THEM6: variants seen among roughly 807,000 people sequenced by gnomAD.
THEM6 encodes protein THEM6.
Under a neutral mutation model 13.7 loss-of-function variants are expected in THEM6, and 10 were observed. The ratio of observed to expected loss-of-function variants is 0.73; its 90% CI spans 0.45 to 1.24. The LOEUF (loss-of-function observed/expected upper bound fraction) is 1.24. Ranked by LOEUF, THEM6 falls within the 50% of genes most tolerant of loss-of-function variation. The pLI, the probability that THEM6 is intolerant of heterozygous loss-of-function variation, is 0.00. For missense variants in THEM6, 317 were observed against 312.6 expected (o/e 1.01, Z -0.11); for synonymous variants, 161 against 156.0 (o/e 1.03, Z -0.24).
intron 1 of THEM6, among the ~76,000 whole-genome samples, chr8:142,733,037 G>A (rs1815687062): frequency 6.6e-6 from 1 of 152,182 alleles, no homozygotes; most frequent in South Asian, 2.1e-4. Flanking sequence ...AGGAAACAGG[G>A]TCATTTATAA....
At chr8:142,735,124 G>A (rs765600844) in intron 1 of THEM6, 19 of 569,100 alleles carry the variant, frequency 3.3e-5, no homozygotes, top group African/African-American at 1.1e-4. Context: ...TAGGGGAGAC[G>A]GGCCAGGCAC....
At chr8:142,728,334 G>A (rs781832793) in intron 1 of THEM6, among the ~76,000 whole-genome samples, 2 of 152,208 alleles carry the variant, frequency 1.3e-5, no homozygotes, top group African/African-American at 2.4e-5. Context: ...CCTGGGTTTG[G>A]GGTTGAGGTA....
Position 142,736,399 on chromosome 8 carries a change from ATTCAGCATGTT to A in THEM6, c.*961_*971del, listed in dbSNP as rs1815769807. 6.6e-6 allele frequency: 1 copy of A among 152,362 alleles called. No individual in the cohort carries two copies. Among genetic ancestry groups the A allele is most frequent in the Admixed American group, 6.5e-5 (1 of 15,274 alleles). The allele number at this position is 152,362 out of a possible 1,614,324, so 9.4% of individuals were successfully genotyped here. On this transcript the variant is annotated 3_prime_UTR_variant, in exon 2 of 2. Transcript: ENST00000336138. ...TCTTCTTAACTCCTCTGTCCTCTAT[ATTCAGCATGTT>A]CCTTGTCAGCTGCTGGGCCGGCCCT...
Position 142,727,708 on chromosome 8 carries a change from C to A in THEM6, c.362C>A (p.Thr121Asn), listed in dbSNP as rs184540082. ...CTGCTGGAGCCCTTCGAGGTGCGCA[C>A]CCGCCTGCTGGGCTGGGACGACCGC... is the stretch of plus-strand genomic sequence containing the variant. ...LRLLEPFEVRTRLLGWDDRAF... is the reference protein window; with the variant it reads ...LRLLEPFEVRNRLLGWDDRAF... Residue 121 changes from threonine to asparagine, a missense_variant, in exon 1 of 2, where the codon ACC (threonine) becomes AAC (asparagine). Physicochemically the swap from Thr to Asn is moderately conservative, Grantham distance 65 (BLOSUM62 0). Transcript: ENST00000336138. 90 of 1,432,136 alleles carry A rather than the reference C, an allele frequency of 6.3e-5. No homozygotes were observed. The highest frequency in any genetic ancestry group is 7.6e-5 in the Non-Finnish European group (84 of 1,103,884). 88.7% of individuals were successfully genotyped at this position (1,432,136 alleles called of 1,614,324 possible). A position where few individuals can be genotyped will look rare whatever the true frequency, so the allele number is the denominator to read the frequency against.
rs139610015 is a variant in THEM6 at position 142,735,220 on chromosome 8, G to A, written c.514-106G>A. The A allele has an allele frequency of 2.5e-4, 201 of 814,548 alleles. 1 individual carries two copies. The East Asian group carries it at 4.7e-3, about 19-fold the overall frequency. The allele number at this position is 814,548 out of a possible 1,614,324, so 50.5% of individuals were successfully genotyped here. ...GCATGGGCAAAGCATGGCAGGCGGCGGGGCAGGGGATCTTGGAAGGTCACG... is the reference window on the plus strand; with the variant it reads ...GCATGGGCAAAGCATGGCAGGCGGCAGGGCAGGGGATCTTGGAAGGTCACG... On this transcript the variant is annotated intron_variant, in intron 1 of 1. Coordinates refer to ENST00000336138, the MANE Select transcript of THEM6 (RefSeq NM_016647.3).
intron 1 of THEM6, among the ~76,000 whole-genome samples, chr8:142,732,204 A>ATATATATATATATATATG (rs1382315215): frequency 6.8e-5 from 7 of 102,674 alleles, no homozygotes; most frequent in African/African-American, 3.0e-4. Flanking sequence ...ATATATATAT[A>ATATATATATATATATATG]TATTTTAACT....
At position 142,735,706 on chromosome 8, in the gene THEM6, C is replaced by A; in HGVS notation, c.*267C>A. On this transcript the variant is annotated 3_prime_UTR_variant, in exon 2 of 2. Transcript: ENST00000336138. ...GGGCAAAGGAGAGTCCTGCCTGGCC[C>A]TACGATGAGGCCACTCATGTGGGCC... 2.2e-6 allele frequency: 1 copy of A among 465,084 alleles called. No individual in the cohort carries two copies. The highest frequency in any genetic ancestry group is 4.0e-6 in the Non-Finnish European group (1 of 251,422). 28.8% of individuals were successfully genotyped at this position (465,084 alleles called of 1,614,324 possible).
At chr8:142,730,027 CAG>C in intron 1 of THEM6, among the ~76,000 whole-genome samples, 1 of 152,256 alleles carries the variant, frequency 6.6e-6, no homozygotes, top group East Asian at 1.9e-4. Flanking sequence ...CAAGGTATGA[CAG>C]AACAAGCATT....
intron 1 of THEM6, among the ~76,000 whole-genome samples, chr8:142,728,978 C>T (rs1253553334): frequency 5.6e-5 from 7 of 125,256 alleles, no homozygotes; most frequent in African/African-American, 1.8e-4. Flanking sequence ...CTCACTCTGT[C>T]GCCCAGGCTG....
Position 142,727,706 on chromosome 8 carries a change from C to A in THEM6, c.360C>A (p.Arg120=), listed in dbSNP as rs1270986079. The A allele has an allele frequency of 2.8e-5, 40 of 1,431,606 alleles. No homozygotes were observed. The highest frequency in any genetic ancestry group is 5.9e-5 in the Admixed American group (2 of 33,738). The allele number at this position is 1,431,606 out of a possible 1,614,324, so 88.7% of individuals were successfully genotyped here. Reference sequence around the variant, plus strand: ...GCCTGCTGGAGCCCTTCGAGGTGCGCACCCGCCTGCTGGGCTGGGACGACC... The same window carrying A: ...GCCTGCTGGAGCCCTTCGAGGTGCGAACCCGCCTGCTGGGCTGGGACGACC... ...SLRLLEPFEV[R]TRLLGWDDRA... The change falls in exon 1 of 2, where the codon CGC becomes CGA. Residue 120 remains arginine (R), a synonymous_variant. Transcript: ENST00000336138.
chr8:142,730,085 G>A (rs1442645978), intron 1 of THEM6, among the ~76,000 whole-genome samples: 3 of 152,280 alleles, frequency 2.0e-5, no homozygotes, highest in East Asian at 1.9e-4. Flanking sequence ...TAACAAAGGC[G>A]CTAGTAACAA....
chr8:142,729,644 T>A (rs1815601788), intron 1 of THEM6, among the ~76,000 whole-genome samples: 1 of 152,114 alleles, frequency 6.6e-6, no homozygotes, highest in Admixed American at 6.5e-5. Flanking sequence ...GTCTTTTCCA[T>A]TTATGTCAAT....
chr8:142,733,070 C>A (rs189837961), intron 1 of THEM6, among the ~76,000 whole-genome samples: 1 of 152,206 alleles, frequency 6.6e-6, no homozygotes, highest in African/African-American at 2.4e-5. Flanking sequence ...ACCCTATTGC[C>A]GTCTCTGGTT....
Position 142,727,506 on chromosome 8 carries a change from G to T in THEM6, c.160G>T (p.Val54Leu). ...LLAEQRFPGR[V>L]LPSDLDLLLH... is the part of the protein sequence containing the mutation. ...AGCTGAGCAGCGCTTCCCGGGCCGC[G>T]TGCTGCCCTCGGACTTGGACCTGCT... The change falls in exon 1 of 2, where the codon GTG becomes TTG. Residue 54 changes from valine to leucine, a missense_variant. By Grantham distance (32) the Val-to-Leu change is conservative (BLOSUM62 1). Transcript: ENST00000336138. 1 of 1,579,380 alleles carries T rather than the reference G, an allele frequency of 6.3e-7. No homozygotes were observed. The highest frequency in any genetic ancestry group is 1.4e-5 in the African/African-American group (1 of 72,596).
At chr8:142,729,834 T>C (rs1554642784) in intron 1 of THEM6, among the ~76,000 whole-genome samples, 1 of 152,216 alleles carries the variant, frequency 6.6e-6, no homozygotes, top group Non-Finnish European at 1.5e-5. Flanking sequence ...ACTTTGCTCC[T>C]GAGCAGTTGA....
intron 1 of THEM6, among the ~76,000 whole-genome samples, chr8:142,731,653 T>C (rs587627177): frequency 6.6e-6 from 1 of 152,182 alleles, no homozygotes; most frequent in Non-Finnish European, 1.5e-5. Context: ...TCTCTTTCTG[T>C]CTCTTCTCTC....
Position 142,736,035 on chromosome 8 carries a change from G to C in THEM6, c.*596G>C, listed in dbSNP as rs1055165821. ...AGGGAGGCATTTGCTGACAGAGGAC[G>C]GGGCACCCGGGCTCCCCACTGCAGT... On this transcript the variant is annotated 3_prime_UTR_variant, in exon 2 of 2. Transcript: ENST00000336138. 6.6e-6 allele frequency: 1 copy of C among 152,322 alleles called. No individual in the cohort carries two copies. 9.4% of individuals were successfully genotyped at this position (152,322 alleles called of 1,614,324 possible).
Position 142,727,477 on chromosome 8 carries a change from T to C in THEM6, c.131T>C (p.Leu44Pro). The C allele has an allele frequency of 6.3e-7, 1 of 1,576,326 alleles. No homozygotes were observed. The highest frequency in any genetic ancestry group is 8.6e-7 in the Non-Finnish European group (1 of 1,169,224). The part of the protein sequence containing the change: ...ARLLQPRVRD[L>P]LAEQRFPGRV... Reference sequence around the variant, plus strand: ...CTGCTGCAGCCGCGCGTCCGTGACCTGCTAGCTGAGCAGCGCTTCCCGGGC... The same window carrying C: ...CTGCTGCAGCCGCGCGTCCGTGACCCGCTAGCTGAGCAGCGCTTCCCGGGC... The change falls in exon 1 of 2, where the codon CTG (leucine) becomes CCG (proline). Residue 44 changes from leucine to proline, a missense_variant. Coordinates refer to ENST00000336138, the MANE Select transcript of THEM6 (RefSeq NM_016647.3).
rs758397993 is a variant in THEM6, at chr8:142,735,371, TACA to T, written c.562_564del (p.Asn188del). ...CGCTGATCTGCAGCACTGGATCTCC[TACA>T]ACGAGGCCAGCAGCCAGCTGCTCCG... On this transcript the variant is annotated inframe_deletion, in exon 2 of 2. Transcript: ENST00000336138. 12 of 1,579,718 alleles carry T rather than the reference TACA, an allele frequency of 7.6e-6. No individual in the cohort carries two copies. Among genetic ancestry groups the T allele is most frequent in the East Asian group, 2.3e-5 (1 of 42,982 alleles).
Sources: gnomAD v4.1 joint callset for allele counts (sites outside exome capture counted in the v4.1 genomes callset) on GRCh38, gnomAD v4.1.1 for gene constraint, MANE v1.5 for transcripts, NCBI Gene and HGNC (gene_info 2026-07-23, HGNC 2026-07-21) for gene names.